Variants in TRAPPC11 observed in about 807,000 individuals in gnomAD.
The protein encoded by TRAPPC11 is trafficking protein particle complex subunit 11.
In TRAPPC11, 104 loss-of-function variants were observed where a neutral mutation model predicts 151.2. That is an observed-to-expected ratio of 0.69 (90% CI 0.59 to 0.81). TRAPPC11 has a LOEUF of 0.81. Among genes scored for constraint, TRAPPC11 ranks in the 30% least tolerant of loss-of-function variants. The pLI is 0.00. For missense variants in TRAPPC11, 1,230 were observed against 1,349.6 expected, an observed-to-expected ratio of 0.91 and a Z score of 1.39; for synonymous variants, 456 against 472.3, an observed-to-expected ratio of 0.97 and a Z score of 0.45.
intron 2 of TRAPPC11, among the ~76,000 whole-genome samples, chr4:183,665,352 C>T (rs1254372606): frequency 3.9e-5 from 6 of 152,218 alleles, no homozygotes; most frequent in Non-Finnish European, 8.8e-5. Context: ...CCTTGGCCTC[C>T]CAAAGTGCTG....
intron 2 of TRAPPC11, among the ~76,000 whole-genome samples, chr4:183,665,021 G>A (rs538090096): frequency 3.1e-4 from 47 of 151,312 alleles, no homozygotes; most frequent in African/African-American, 1.1e-3. Flanking sequence ...CCTGGAAACT[G>A]AGCTCTCTGA....
chr4:183,660,540 A>G (rs55807103), intron 1 of TRAPPC11, among the ~76,000 whole-genome samples: 43,728 of 152,112 alleles, frequency 0.29, 7,034 homozygotes, highest in South Asian at 0.37. Context: ...TAATTTATTT[A>G]TGTGACTTGT....
chr4:183,661,697 A>G (rs1734554936), intron 1 of TRAPPC11, among the ~76,000 whole-genome samples: 1 of 150,688 alleles, frequency 6.6e-6, no homozygotes, highest in South Asian at 2.1e-4. Context: ...GAGCCTCATG[A>G]CACATTCTTT....
intron 11 of TRAPPC11, 27 bp from the exon 12 acceptor site, chr4:183,683,948 A>G (rs1438676186): frequency 1.9e-6 from 3 of 1,592,714 alleles, no homozygotes; most frequent in African/African-American, 2.7e-5. Flanking sequence ...GAGCTGTCTA[A>G]AATGAGTTGT....
At chr4:183,679,890 G>A (rs569607402) in intron 9 of TRAPPC11, among the ~76,000 whole-genome samples, 1 of 152,176 alleles carries the variant, frequency 6.6e-6, no homozygotes, top group South Asian at 2.1e-4. Context: ...TAGTTTGATG[G>A]TATATTTATA....
chr4:183,697,541 T>A lies in TRAPPC11; in HGVS notation c.2667T>A (p.Asp889Glu). The change falls in exon 24 of 30, where the codon GAT becomes GAA. Residue 889 changes from aspartate to glutamate, a missense_variant. Physicochemically the swap from Asp to Glu is conservative, Grantham distance 45. Coordinates refer to ENST00000334690, the MANE Select transcript of TRAPPC11 (RefSeq NM_021942.6). Reference sequence around the variant, plus strand: ...CAATTGAAACAGTCTTTCCATTTGATGTTGCGGTTAAATTTGTTTCTACCA... The same window carrying A: ...CAATTGAAACAGTCTTTCCATTTGAAGTTGCGGTTAAATTTGTTTCTACCA... ...TVTIETVFPFDVAVKFVSTKF... is the reference protein window; with the variant it reads ...TVTIETVFPFEVAVKFVSTKF... The A allele has an allele frequency of 6.2e-7, 1 of 1,604,962 alleles. No homozygotes were observed. Among genetic ancestry groups the A allele is most frequent in the Non-Finnish European group, 8.5e-7 (1 of 1,178,134 alleles).
chr4:183,704,717 G>A lies in TRAPPC11; in HGVS notation c.2964-262G>A, dbSNP rs6552699. 0.28 allele frequency among the ~76,000 whole-genome samples: 41,961 copies of A among 151,714 alleles called. 6,445 individuals are homozygous for A. Among genetic ancestry groups the A allele is most frequent in the African/African-American group, 0.42 (17,349 of 41,316 alleles). On this transcript the variant is annotated intron_variant, in intron 26 of 29. Transcript: ENST00000334690. ...AGTTCCAGCTACTCGGGAGGCTGAG[G>A]CAGGAGAATGGTGTAAACCTGGGAG...
intron 28 of TRAPPC11, among the ~76,000 whole-genome samples, chr4:183,707,896 A>C (rs1400765591): frequency 6.6e-6 from 1 of 152,126 alleles, no homozygotes; most frequent in African/African-American, 2.4e-5. Flanking sequence ...TACTTTTTAA[A>C]AGTATTGTCA....
intron 8 of TRAPPC11, among the ~76,000 whole-genome samples, chr4:183,678,523 C>T (rs1349068773): frequency 2.0e-5 from 3 of 152,012 alleles, no homozygotes; most frequent in South Asian, 4.1e-4. Context: ...AGAATGAGGC[C>T]GCTCTATGTA....
intron 5 of TRAPPC11, among the ~76,000 whole-genome samples, chr4:183,672,424 TA>T (rs1288965712): frequency 6.6e-6 from 1 of 152,250 alleles, no homozygotes; most frequent in Non-Finnish European, 1.5e-5. Flanking sequence ...GGTGTTGCCT[TA>T]AAAGTGTAAT....
intron 11 of TRAPPC11, among the ~76,000 whole-genome samples, chr4:183,683,653 C>G (rs1403831958): frequency 6.6e-6 from 1 of 152,050 alleles, no homozygotes; most frequent in East Asian, 1.9e-4. Context: ...AGAGTGAGAT[C>G]CCGTCTCAAA....
In TRAPPC11 at chr4:183,694,726, A is replaced by G. The variant is rs1364348326; in HGVS notation, c.2628+3A>G. ...AAATTGTTTGCAAGTGTCACAAGGT[A>G]TTTTTTTATAGCTACTTTATAAAGC... On this transcript the variant is annotated splice_donor_region_variant and intron_variant, in intron 23 of 29. Coordinates refer to ENST00000334690, the MANE Select transcript of TRAPPC11 (RefSeq NM_021942.6). The G allele has an allele frequency of 1.2e-6, 2 of 1,603,308 alleles. No individual in the cohort carries two copies. The highest frequency in any genetic ancestry group is 1.7e-6 in the Non-Finnish European group (2 of 1,177,626).
In TRAPPC11 at chr4:183,710,751, G is replaced by A. The variant is rs535056792; in HGVS notation, c.3358-1849G>A. Among the ~76,000 whole-genome samples the A allele has an allele frequency of 2.7e-4, 41 of 151,848 alleles. No homozygotes were observed. The East Asian group carries it at 6.9e-3, about 25-fold the overall frequency. On this transcript the variant is annotated intron_variant, in intron 29 of 29. Transcript: ENST00000334690. ...AATTTATAATTAAAAAATTTTGGCC[G>A]GGCGTGGTGGCTCACGCCTGTAATC...
At position 183,712,820 on chromosome 4, in the gene TRAPPC11, C is replaced by CT; in HGVS notation, c.*178dup. ...CTTCAAAAATATTAGGAAAATCTGT[C>CT]TTATAGTTTCTCTAATAAATATCTG... On this transcript the variant is annotated 3_prime_UTR_variant, in exon 30 of 30. Transcript: ENST00000334690. 1 of 506,754 alleles carries CT rather than the reference C, an allele frequency of 2.0e-6. No individual in the cohort carries two copies. The highest frequency in any genetic ancestry group is 3.7e-5 in the Admixed American group (1 of 26,810). The allele number at this position is 506,754 out of a possible 1,614,324, so 31.4% of individuals were successfully genotyped here.
intron 9 of TRAPPC11, 35 bp from the exon 10 acceptor site, chr4:183,680,085 A>T: frequency 1.3e-6 from 2 of 1,575,840 alleles, no homozygotes; most frequent in Admixed American, 3.6e-5. Context: ...TTTTCTTTTC[A>T]TTCCTCTTTA....
In TRAPPC11 at chr4:183,685,322, G is replaced by A; in HGVS notation, c.1681G>A (p.Ala561Thr). ...PDCDILAVKTAQKLWADRISL... is the reference protein window; with the variant it reads ...PDCDILAVKTTQKLWADRISL... ...CTGTGATATCTTAGCTGTGAAAACT[G>A]CTCAGAAGCTGTGGGCAGACCGAAT... The change falls in exon 17 of 30, where the codon GCT becomes ACT. Residue 561 changes from alanine (A) to threonine (T), a missense_variant. Physicochemically the swap from Ala to Thr is moderately conservative, Grantham distance 58 (BLOSUM62 0). Transcript: ENST00000334690. 1 of 1,614,122 alleles carries A rather than the reference G, an allele frequency of 6.2e-7. No homozygotes were observed. The highest frequency in any genetic ancestry group is 8.5e-7 in the Non-Finnish European group (1 of 1,179,998).
intron 29 of TRAPPC11, among the ~76,000 whole-genome samples, chr4:183,709,530 C>T (rs969268469): frequency 1.3e-5 from 2 of 152,174 alleles, no homozygotes; most frequent in African/African-American, 4.8e-5. Context: ...AATCCCAGCA[C>T]TTTGGGAGGC....
intron 18 of TRAPPC11, among the ~76,000 whole-genome samples, chr4:183,689,481 C>T (rs1736143497): frequency 6.6e-6 from 1 of 152,068 alleles, no homozygotes; most frequent in Non-Finnish European, 1.5e-5. Context: ...GTACTAATCA[C>T]ACTGTGGTTT....
chr4:183,683,522 C>T (rs971415848), intron 11 of TRAPPC11, among the ~76,000 whole-genome samples: 3 of 151,740 alleles, frequency 2.0e-5, no homozygotes, highest in East Asian at 3.9e-4. Context: ...ATTAGCCACA[C>T]ATAGTGGCAT....
Sources: allele counts gnomAD v4.1 joint callset (sites outside exome capture counted in the v4.1 genomes callset), GRCh38; gene constraint gnomAD v4.1.1; transcripts MANE v1.5; gene names NCBI Gene and HGNC (gene_info 2026-07-23, HGNC 2026-07-21).